Variants in PPARGC1A observed in about 807,000 individuals in gnomAD.
PPARGC1A encodes the protein PPARG coactivator 1 alpha.
Under a neutral mutation model 88.7 loss-of-function variants are expected in PPARGC1A, and 25 were observed. The ratio of observed to expected loss-of-function variants is 0.28; its 90% CI spans 0.21 to 0.39. The LOEUF (loss-of-function observed/expected upper bound fraction) is 0.39, where lower values mean the gene tolerates loss of function less well. PPARGC1A is among the 10% of genes least tolerant of loss of function. The pLI is 1.00. For synonymous variants in PPARGC1A, 363 were observed against 355.6 expected (o/e 1.02, Z -0.24); for missense variants, 880 against 968.7 (o/e 0.91, Z 1.22).
chr4:24,287,667 A>AC, the PPARGC1A span, among the ~76,000 whole-genome samples: 28 of 72,516 alleles, frequency 3.9e-4, no homozygotes, highest in Admixed American at 1.5e-3. Flanking sequence ...CACACACACA[A>AC]CTGCACTCAT....
chr4:23,948,829 T>C, the PPARGC1A span, among the ~76,000 whole-genome samples: 3 of 152,198 alleles, frequency 2.0e-5, no homozygotes, highest in African/African-American at 7.2e-5. Flanking sequence ...TGGACTTTGT[T>C]GGAACTAAAG....
chr4:23,835,994 CAT>C (rs1324176508), intron 2 of PPARGC1A, among the ~76,000 whole-genome samples: 1 of 152,200 alleles, frequency 6.6e-6, no homozygotes, highest in African/African-American at 2.4e-5. Flanking sequence ...CCTACTCACA[CAT>C]GTCTGTTCAC....
the PPARGC1A span, among the ~76,000 whole-genome samples, chr4:24,135,587 G>A: frequency 6.6e-6 from 1 of 152,116 alleles, no homozygotes; most frequent in African/African-American, 2.4e-5. Context: ...CACTAGTAGA[G>A]TTTGACTCCC....
At chr4:24,272,507 C>T in the PPARGC1A span, among the ~76,000 whole-genome samples, 2 of 152,096 alleles carry the variant, frequency 1.3e-5, no homozygotes, top group Non-Finnish European at 2.9e-5. Flanking sequence ...ATACACTTCC[C>T]CCACAACAAA....
intron 1 of PPARGC1A, chr4:23,888,856 C>A: frequency 1.1e-6 from 1 of 870,470 alleles, no homozygotes; most frequent in Non-Finnish European, 1.4e-6. Context: ...CCCCAGCTAC[C>A]CAGAGGAAAC....
chr4:23,829,280 A>G (rs1724566964), intron 4 of PPARGC1A, among the ~76,000 whole-genome samples, 183 bp downstream of exon 4: 1 of 152,216 alleles, frequency 6.6e-6, no homozygotes. Flanking sequence ...TGCGTAAATG[A>G]ACTCTGCCTA....
chr4:23,934,802 C>T, the PPARGC1A span, among the ~76,000 whole-genome samples: 1 of 152,062 alleles, frequency 6.6e-6, no homozygotes, highest in Admixed American at 6.5e-5. Context: ...AGTGGCTTGC[C>T]CAAGACCCCG....
chr4:24,387,456 T>C, the PPARGC1A span, among the ~76,000 whole-genome samples: 1 of 152,044 alleles, frequency 6.6e-6, no homozygotes, highest in Non-Finnish European at 1.5e-5. Context: ...TTGGGCGTGG[T>C]GGCTCATGCC....
chr4:24,264,969 T>C, the PPARGC1A span, among the ~76,000 whole-genome samples: 1 of 152,322 alleles, frequency 6.6e-6, no homozygotes, highest in African/African-American at 2.4e-5. Flanking sequence ...TCTCGTAGTT[T>C]AATATGCTAA....
At chr4:24,380,935 G>A in the PPARGC1A span, among the ~76,000 whole-genome samples, 81 of 150,784 alleles carry the variant, frequency 5.4e-4, no homozygotes, top group African/African-American at 1.7e-3. Flanking sequence ...TAAGTGAAGG[G>A]TAGAAGAAGA....
chr4:24,066,341 C>G, the PPARGC1A span, among the ~76,000 whole-genome samples: 8 of 152,040 alleles, frequency 5.3e-5, no homozygotes, highest in Non-Finnish European at 1.0e-4. Context: ...AGAAAAACAA[C>G]AATGACAAAA....
intron 2 of PPARGC1A, among the ~76,000 whole-genome samples, chr4:23,871,513 G>A (rs894451435): frequency 8.5e-5 from 13 of 152,220 alleles, no homozygotes; most frequent in Non-Finnish European, 1.8e-4. Context: ...CTATCAGACA[G>A]CATTGCCTAA....
the PPARGC1A span, among the ~76,000 whole-genome samples, chr4:24,300,324 A>ATTTTTTTTTTTTT: frequency 2.7e-4 from 12 of 44,998 alleles, 4 homozygotes; most frequent in Non-Finnish European, 4.4e-4. Flanking sequence ...ATACAATAGC[A>ATTTTTTTTTTTTT]TTTTTTTTTT....
chr4:24,472,738 A>AGCCGCC, the PPARGC1A span, among the ~76,000 whole-genome samples: 1 of 150,992 alleles, frequency 6.6e-6, no homozygotes, highest in East Asian at 2.0e-4. The surrounding 1 kb of genome is among the most constrained non-coding windows in gnomAD (Gnocchi z 4.5). Flanking sequence ...TGACTTGGGC[A>AGCCGCC]GCCGCCGCCG....
chr4:24,145,565 C>T, the PPARGC1A span, among the ~76,000 whole-genome samples: 6 of 152,328 alleles, frequency 3.9e-5, no homozygotes, highest in East Asian at 1.2e-3. Context: ...ATGGCAGATG[C>T]TGCCTTGGGA....
chr4:24,036,618 TA>T, the PPARGC1A span, among the ~76,000 whole-genome samples: 16,613 of 147,612 alleles, frequency 0.11, 1,066 homozygotes, highest in South Asian at 0.2. Flanking sequence ...CTTTTTGTAG[TA>T]AAAAAAAAAA....
At chr4:23,971,333 A>C in the PPARGC1A span, among the ~76,000 whole-genome samples, 1 of 152,228 alleles carries the variant, frequency 6.6e-6, no homozygotes, top group Non-Finnish European at 1.5e-5. Flanking sequence ...AGAATTTCCT[A>C]ATTTGCCATT....
the PPARGC1A span, among the ~76,000 whole-genome samples, chr4:23,953,549 A>G: frequency 6.6e-6 from 1 of 152,090 alleles, no homozygotes; most frequent in Non-Finnish European, 1.5e-5. Context: ...TGGAGTATGC[A>G]TTAGAGATTA....
At chr4:24,373,762 A>G in the PPARGC1A span, among the ~76,000 whole-genome samples, 1 of 152,230 alleles carries the variant, frequency 6.6e-6, no homozygotes, top group Non-Finnish European at 1.5e-5. Context: ...CTATATATCT[A>G]CAGTACTGAG....
Sources: allele counts gnomAD v4.1 joint callset (sites outside exome capture counted in the v4.1 genomes callset), GRCh38; gene constraint gnomAD v4.1.1; non-coding constraint Gnocchi (gnomAD v3.1); transcripts MANE v1.5; gene names NCBI Gene and HGNC (gene_info 2026-07-23, HGNC 2026-07-21).